The following DLG2 variants were observed in gnomAD, a reference collection of about 807,000 sequenced individuals.
DLG2 encodes the protein discs large MAGUK scaffold protein 2.
Under a neutral mutation model 132.5 loss-of-function variants are expected in DLG2, and 45 were observed. The observed-to-expected ratio is 0.34, with a 90% CI of 0.27 to 0.44. The LOEUF (loss-of-function observed/expected upper bound fraction) is 0.44, where lower values mean the gene tolerates loss of function less well. DLG2 is among the 20% of genes least tolerant of loss of function. The pLI is 1.00. For synonymous variants in DLG2, 424 were observed against 419.6 expected (o/e 1.01, Z -0.13); for missense variants, 1,045 against 1,196.9 (o/e 0.87, Z 1.87).
In DLG2 at chr11:84,202,371, G is replaced by C. The variant is rs145567076; in HGVS notation, c.574-38860C>G. On this transcript the variant is annotated intron_variant, in intron 8 of 27. Coordinates refer to ENST00000376104, the MANE Select transcript of DLG2 (RefSeq NM_001142699.3). ...TGATGAAAATAAGCAATGAGGAAAGGATTCTCTATTTAATACATGGTTCTG... is the reference window on the plus strand; with the variant it reads ...TGATGAAAATAAGCAATGAGGAAAGCATTCTCTATTTAATACATGGTTCTG... 1.8e-3 allele frequency among the ~76,000 whole-genome samples: 276 copies of C among 152,260 alleles called. No individual in the cohort carries two copies. The Middle Eastern group carries it at 0.027, about 15-fold the overall frequency.
chr11:85,196,782 T>G (rs939064308), intron 4 of DLG2, among the ~76,000 whole-genome samples: 3 of 152,208 alleles, frequency 2.0e-5, no homozygotes, highest in Non-Finnish European at 2.9e-5. Context: ...TTGGTGTACT[T>G]TTAACTACAT....
At chr11:83,565,354 G>A (rs978725482) in intron 19 of DLG2, among the ~76,000 whole-genome samples, 1 of 152,208 alleles carries the variant, frequency 6.6e-6, no homozygotes, top group Admixed American at 6.5e-5. Flanking sequence ...TTAGAGTTAT[G>A]TAAAACACTT....
At chr11:85,391,016 T>C (rs1403496466) in intron 3 of DLG2, among the ~76,000 whole-genome samples, 1 of 151,862 alleles carries the variant, frequency 6.6e-6, no homozygotes, top group Non-Finnish European at 1.5e-5. Context: ...TTTGAAAAGA[T>C]AAATAAAATT....
intron 7 of DLG2, among the ~76,000 whole-genome samples, chr11:84,528,639 T>C (rs964390345): frequency 5.3e-5 from 8 of 152,222 alleles, no homozygotes; most frequent in South Asian, 2.1e-4. Flanking sequence ...CATCTGATTA[T>C]GTGTTTTGCC....
chr11:83,963,191 C>T (rs1432566677), intron 13 of DLG2, among the ~76,000 whole-genome samples, 168 bp from the exon 14 acceptor site: 1 of 151,970 alleles, frequency 6.6e-6, no homozygotes, highest in South Asian at 2.1e-4. Flanking sequence ...TTAATATATA[C>T]AAGCACATGG....
At chr11:84,664,760 C>A (rs1474912049) in intron 6 of DLG2, among the ~76,000 whole-genome samples, 5 of 152,150 alleles carry the variant, frequency 3.3e-5, no homozygotes, top group Non-Finnish European at 7.4e-5. Flanking sequence ...TATCATACTT[C>A]TCTCCTTTCC....
At chr11:85,321,930 G>A (rs2152825757) in intron 3 of DLG2, among the ~76,000 whole-genome samples, 1 of 152,142 alleles carries the variant, frequency 6.6e-6, no homozygotes, top group East Asian at 1.9e-4. Context: ...GCAGAGAAAT[G>A]GGGCAGTTCC....
chr11:84,618,071 G>C (rs1370119098), intron 6 of DLG2, among the ~76,000 whole-genome samples: 1 of 152,058 alleles, frequency 6.6e-6, no homozygotes, highest in Non-Finnish European at 1.5e-5. Flanking sequence ...AAGTATCCTG[G>C]TAGGTAAATA....
intron 17 of DLG2, 142 bp from the exon 18 acceptor site, chr11:83,786,934 G>A: frequency 3.2e-6 from 2 of 628,066 alleles, no homozygotes; most frequent in East Asian, 5.5e-5. Context: ...GGTGTTTGTG[G>A]ACTTTCATGA....
At chr11:84,032,071 T>C (rs1488818947) in intron 11 of DLG2, among the ~76,000 whole-genome samples, 2 of 152,144 alleles carry the variant, frequency 1.3e-5, no homozygotes, top group African/African-American at 4.8e-5. Flanking sequence ...CCTTACCTGT[T>C]CTCGCTCCCT....
intron 6 of DLG2, among the ~76,000 whole-genome samples, chr11:84,847,717 C>T (rs2081652439): frequency 6.6e-6 from 1 of 152,080 alleles, no homozygotes; most frequent in Non-Finnish European, 1.5e-5. Flanking sequence ...AAATTTGAGG[C>T]CATGCCTGAT....
chr11:85,017,859 G>A (rs2059700518), intron 6 of DLG2, among the ~76,000 whole-genome samples: 2 of 152,096 alleles, frequency 1.3e-5, no homozygotes, highest in African/African-American at 2.4e-5. Context: ...GTTCACTAGC[G>A]AAAACTGACC....
chr11:84,039,052 G>C (rs1047418727), intron 11 of DLG2, among the ~76,000 whole-genome samples: 1 of 151,936 alleles, frequency 6.6e-6, no homozygotes, highest in Non-Finnish European at 1.5e-5. Context: ...TGTTTTTTAA[G>C]ACAAATCATA....
Position 84,494,232 on chromosome 11 carries a change from C to T in DLG2, c.519+40338G>A, listed in dbSNP as rs530257986. On this transcript the variant is annotated intron_variant, in intron 7 of 27. Transcript: ENST00000376104. ...AGAAAAAGCAAAGATAATACATGTG[C>T]TTCTTAGCTCTTAATCGGAAAGAAT... Among the ~76,000 whole-genome samples, 49 of 152,252 alleles carry T rather than the reference C, an allele frequency of 3.2e-4. 1 individual carries two copies. In the South Asian group the frequency reaches 0.01, roughly 32 times the overall value.
chr11:83,791,362 C>CT, intron 17 of DLG2: 1 of 677,450 alleles, frequency 1.5e-6, no homozygotes, highest in Non-Finnish European at 2.6e-6. Flanking sequence ...CAAGCTTTTG[C>CT]TTTTTGATCT....
chr11:84,101,124 G>A (rs1368031931), intron 9 of DLG2, among the ~76,000 whole-genome samples: 1 of 152,158 alleles, frequency 6.6e-6, no homozygotes, highest in Non-Finnish European at 1.5e-5. Flanking sequence ...AAGCCCTGGA[G>A]CTACAGGAGT....
chr11:85,129,188 G>A (rs1393992841), intron 5 of DLG2, among the ~76,000 whole-genome samples: 1 of 152,196 alleles, frequency 6.6e-6, no homozygotes, highest in Admixed American at 6.5e-5. Context: ...AAAAAGAGAT[G>A]ACTCAATCTT....
At chr11:83,778,608 G>A (rs2094683903) in intron 18 of DLG2, among the ~76,000 whole-genome samples, 1 of 152,048 alleles carries the variant, frequency 6.6e-6, no homozygotes, top group African/African-American at 2.4e-5. Flanking sequence ...TAACCCCTTT[G>A]ATATGAGTTA....
At chr11:84,288,549 T>C (rs1421426041) in intron 7 of DLG2, among the ~76,000 whole-genome samples, 1 of 152,088 alleles carries the variant, frequency 6.6e-6, no homozygotes, top group African/African-American at 2.4e-5. Flanking sequence ...CAAGTACTTC[T>C]AAGATAGAAT....
Sources: allele counts gnomAD v4.1 joint callset (sites outside exome capture counted in the v4.1 genomes callset), GRCh38; gene constraint gnomAD v4.1.1; transcripts MANE v1.5; gene names NCBI Gene and HGNC (gene_info 2026-07-23, HGNC 2026-07-21).